The following GPR179 variants were observed in gnomAD, a reference collection of about 807,000 sequenced individuals.
GPR179 encodes probable G protein-coupled receptor 179.
A neutral mutation model predicts 70.8 loss-of-function variants in GPR179; 52 were observed. The ratio of observed to expected loss-of-function variants is 0.73; its 90% CI spans 0.59 to 0.93. The LOEUF is 0.93. GPR179 is among the 40% of genes least tolerant of loss of function. The pLI, the probability that GPR179 is intolerant of heterozygous loss-of-function variation, is 0.00. For missense variants in GPR179, 2,734 were observed against 2,966.8 expected, an observed-to-expected ratio of 0.92 and a Z score of 1.82; for synonymous variants, 1,123 against 1,169.0, an observed-to-expected ratio of 0.96 and a Z score of 0.80.
intron 2 of GPR179, among the ~76,000 whole-genome samples, chr17:38,338,490 C>T (rs1169966085): frequency 2.6e-5 from 4 of 152,216 alleles, no homozygotes; most frequent in Non-Finnish European, 4.4e-5. Context: ...GAAGCTGTGG[C>T]CCAACTTCCC....
Position 38,326,364 on chromosome 17 carries a change from G to T in GPR179, c.*101C>A. On this transcript the variant is annotated 3_prime_UTR_variant, in exon 11 of 11. Coordinates refer to ENST00000616987, the MANE Select transcript of GPR179 (RefSeq NM_001004334.4). ...CTGGTCTTCTCAAGGAGGGGAAGTG[G>T]CCAAGCTGTCTTTGATTCAGCTCTT... 2.3e-6 allele frequency: 2 copies of T among 869,488 alleles called. No homozygotes were observed. Among genetic ancestry groups the T allele is most frequent in the Non-Finnish European group, 3.6e-6 (2 of 560,392 alleles). The allele number at this position is 869,488 out of a possible 1,614,324, so 53.9% of individuals were successfully genotyped here.
In GPR179 at chr17:38,326,937, G is replaced by A; in HGVS notation, c.6632C>T (p.Ala2211Val). The change falls in exon 11 of 11, where the codon GCA becomes GTA. Residue 2211 changes from alanine (A) to valine (V), a missense_variant. Ala to Val is a moderately conservative substitution (Grantham distance 64). Coordinates refer to ENST00000616987, the MANE Select transcript of GPR179 (RefSeq NM_001004334.4). ...TGCCATCCTGCTTCCCATGCTGCCT[G>A]CTTCCTTGGGGCTGACTTTGAGTTC... ...DPELKVSPKE[A>V]GSMGSRMAEL... is the part of the protein sequence containing the mutation. 1 of 1,614,126 alleles carries A rather than the reference G, an allele frequency of 6.2e-7. No individual in the cohort carries two copies. Among genetic ancestry groups the A allele is most frequent in the Non-Finnish European group, 8.5e-7 (1 of 1,180,036 alleles).
At chr17:38,339,579 T>G in intron 1 of GPR179, 54 bp from the exon 2 acceptor site, 1 of 1,289,920 alleles carries the variant, frequency 7.8e-7, no homozygotes, top group Non-Finnish European at 1.1e-6. Flanking sequence ...AAAGTGGACG[T>G]GTGTCCCTGG....
chr17:38,337,197 G>A lies in GPR179; in HGVS notation c.1008C>T (p.Asp336=). The change falls in exon 4 of 11, where the codon GAC becomes GAT. Residue 336 remains aspartate (D), a synonymous_variant. Coordinates refer to ENST00000616987, the MANE Select transcript of GPR179 (RefSeq NM_001004334.4). ...ASPSGGLEES[D]FQTTGQFGFP... is the part of the protein sequence containing the mutation. ...ACCCGAATTGCCCGGTAGTCTGGAA[G>A]TCACTCTCCTCTAACCCTATAAAGA... The A allele has an allele frequency of 3.7e-6, 6 of 1,611,910 alleles. No individual in the cohort carries two copies. Among genetic ancestry groups the A allele is most frequent in the Non-Finnish European group, 5.1e-6 (6 of 1,179,366 alleles).
In GPR179 at chr17:38,330,947, C is replaced by G. The variant is rs759120043; in HGVS notation, c.2622G>C (p.Lys874Asn). The change falls in exon 11 of 11, where the codon AAG becomes AAC. Residue 874 changes from lysine (K) to asparagine (N), a missense_variant. Coordinates refer to ENST00000616987, the MANE Select transcript of GPR179 (RefSeq NM_001004334.4). ...CCAGGCTGGCCATGGCTGCCTTGGC[C>G]TTCTTCCGCTCCTCCCGCTCCTTTG... ...RQAKEREERK[K>N]AKAAMASLVR... 6.2e-7 allele frequency: 1 copy of G among 1,611,068 alleles called. No homozygotes were observed. Among genetic ancestry groups the G allele is most frequent in the African/African-American group, 1.3e-5 (1 of 75,054 alleles).
intron 10 of GPR179, 146 bp from the exon 11 acceptor site, chr17:38,331,677 G>A (rs1394267846): frequency 3.5e-6 from 5 of 1,410,610 alleles, no homozygotes; most frequent in Admixed American, 2.9e-5. Flanking sequence ...TAAAACTCTC[G>A]TAATTCACCT....
Position 38,331,232 on chromosome 17 carries a change from C to T in GPR179, c.2337G>A (p.Arg779=), listed in dbSNP as rs773509941. 3.0e-5 allele frequency: 47 copies of T among 1,589,098 alleles called. No homozygotes were observed. The highest frequency in any genetic ancestry group is 2.6e-6 in the Non-Finnish European group (3 of 1,168,870). ...HKSRSTYDQR[R]EQDPPLLDSL... is the part of the protein sequence containing the mutation. ...AGTCAAGAAGAGGCGGGTCCTGCTC[C>T]CTGCGCTGGTCATAGGTGCTGCGGG... is the stretch of plus-strand genomic sequence containing the variant. Residue 779 remains arginine, a synonymous_variant, in exon 11 of 11, where the codon AGG becomes AGA. Coordinates refer to ENST00000616987, the MANE Select transcript of GPR179 (RefSeq NM_001004334.4).
rs752583354 is a variant in GPR179, at chr17:38,328,406, A to C, written c.5163T>G (p.Ala1721=). The change falls in exon 11 of 11, where the codon GCT becomes GCG. Residue 1721 remains alanine, a synonymous_variant. Coordinates refer to ENST00000616987, the MANE Select transcript of GPR179 (RefSeq NM_001004334.4). ...AGAGEERALG[A]EAIRKSPNDT... Reference sequence around the variant, plus strand: ...CATTTGGAGATTTCCTAATGGCCTCAGCTCCCAAAGCCCTTTCCTCCCCTG... The same window carrying C: ...CATTTGGAGATTTCCTAATGGCCTCCGCTCCCAAAGCCCTTTCCTCCCCTG... 2 of 1,612,404 alleles carry C rather than the reference A, an allele frequency of 1.2e-6. No homozygotes were observed. Among genetic ancestry groups the C allele is most frequent in the East Asian group, 4.5e-5 (2 of 44,712 alleles).
Position 38,337,106 on chromosome 17 carries a change from T to C in GPR179, c.1099A>G (p.Met367Val). 6.2e-7 allele frequency: 1 copy of C among 1,611,616 alleles called. No homozygotes were observed. The highest frequency in any genetic ancestry group is 8.5e-7 in the Non-Finnish European group (1 of 1,179,166). ...LPCPEGCTSCMDATPCLVEEA... is the reference protein window; with the variant it reads ...LPCPEGCTSCVDATPCLVEEA... Reference sequence around the variant, plus strand: ...TCCACCAGGCACGGTGTGGCATCCATGCAGCTGGTGCAGCCCTCAGGACAT... The same window carrying C: ...TCCACCAGGCACGGTGTGGCATCCACGCAGCTGGTGCAGCCCTCAGGACAT... Residue 367 changes from methionine to valine, a missense_variant, in exon 4 of 11, where the codon ATG becomes GTG. Physicochemically the swap from Met to Val is conservative, Grantham distance 21. Transcript: ENST00000616987.
At position 38,335,667 on chromosome 17, in the gene GPR179, G is replaced by A. The variant is rs374552812; in HGVS notation, c.1330C>T (p.Arg444Cys). ...FILYFKPSVF[R>C]CIALRWVRLL... ...CGCACCCAGCGAAGAGCGATGCAGC[G>A]GAATACACTGGGCTTGAAGTATAGG... The change falls in exon 6 of 11, where the codon CGC (arginine) becomes TGC (cysteine). Residue 444 changes from arginine to cysteine, a missense_variant. By Grantham distance (180) the Arg-to-Cys change is radical. Transcript: ENST00000616987. The A allele has an allele frequency of 1.5e-5, 25 of 1,613,918 alleles. 1 individual carries two copies. The East Asian group carries it at 4.0e-4, about 26-fold the overall frequency.
rs201860062 is a variant in GPR179, at chr17:38,330,325, C to G, written c.3244G>C (p.Gly1082Arg). ...GCCAGCCCCAGGCTGCGCATGGAACCCTGCTGAACAGGGGCCTTGAGGCTG... is the reference window on the plus strand; with the variant it reads ...GCCAGCCCCAGGCTGCGCATGGAACGCTGCTGAACAGGGGCCTTGAGGCTG... ...SHSLKAPVQQ[G>R]SMRSLGLAIK... Residue 1082 changes from glycine (G) to arginine (R), a missense_variant, in exon 11 of 11, where the codon GGT (glycine) becomes CGT (arginine). Coordinates refer to ENST00000616987, the MANE Select transcript of GPR179 (RefSeq NM_001004334.4). The G allele has an allele frequency of 3.7e-6, 6 of 1,613,840 alleles. No homozygotes were observed. Among genetic ancestry groups the G allele is most frequent in the Non-Finnish European group, 4.2e-6 (5 of 1,179,826 alleles).
intron 2 of GPR179, 113 bp downstream of exon 2, chr17:38,339,304 T>G (rs2037430407): frequency 1.2e-4 from 81 of 673,186 alleles, no homozygotes; most frequent in Non-Finnish European, 1.6e-4. Flanking sequence ...CCTGAAGCCC[T>G]GAGATGCTGG....
Position 38,327,925 on chromosome 17 carries a change from T to G in GPR179, c.5644A>C (p.Arg1882=). 6.2e-7 allele frequency: 1 copy of G among 1,614,218 alleles called. No individual in the cohort carries two copies. Among genetic ancestry groups the G allele is most frequent in the Non-Finnish European group, 8.5e-7 (1 of 1,180,038 alleles). Residue 1882 remains arginine (R), a synonymous_variant, in exon 11 of 11, where the codon AGG becomes CGG. Transcript: ENST00000616987. ...TTGGGGGCCTGAGCAGGGGATTCCCTCAAGTCCTTGTTCTCCCAAATACAA... is the reference window on the plus strand; with the variant it reads ...TTGGGGGCCTGAGCAGGGGATTCCCGCAAGTCCTTGTTCTCCCAAATACAA... ...TICIWENKDL[R]ESPAQAPKIS... is the part of the protein sequence containing the mutation.
rs776996552 is a variant in GPR179 at position 38,343,441 on chromosome 17, C to T, written c.349G>A (p.Asp117Asn). ...NFLNMLLQAN[D>N]IRESSVEEDV... Reference sequence around the variant, plus strand: ...TCCTCCACACTGGACTCACGGATGTCGTTGGCTTGCAGCAGCATGTTGAGA... The same window carrying T: ...TCCTCCACACTGGACTCACGGATGTTGTTGGCTTGCAGCAGCATGTTGAGA... The change falls in exon 1 of 11, where the codon GAC (aspartate) becomes AAC (asparagine). Residue 117 changes from aspartate (D) to asparagine (N), a missense_variant. Transcript: ENST00000616987. This position sits in a 1 kb window ranked among gnomAD's most constrained non-coding sequence, Gnocchi z 4.2. 66 of 1,614,116 alleles carry T rather than the reference C, an allele frequency of 4.1e-5. No individual in the cohort carries two copies. The highest frequency in any genetic ancestry group is 3.3e-4 in the Middle Eastern group (2 of 6,062).
chr17:38,331,431 T>C lies in GPR179; in HGVS notation c.2138A>G (p.Gln713Arg), dbSNP rs756598066. 2.5e-6 allele frequency: 4 copies of C among 1,614,136 alleles called. No individual in the cohort carries two copies. The South Asian group carries it at 4.4e-5, about 18-fold the overall frequency. ...CCTCATGAAGGAGCGGCCCAGTCCC[T>C]GGCATGAGCTGCCTCGCTTCTTGGG... ...HLPKKRGSSC[Q>R]GLGRSFMRYL... Residue 713 changes from glutamine (Q) to arginine (R), a missense_variant, in exon 11 of 11, where the codon CAG becomes CGG. Physicochemically the swap from Gln to Arg is conservative, Grantham distance 43. Transcript: ENST00000616987.
rs778346759 is a variant in GPR179, at chr17:38,327,553, C to T, written c.6016G>A (p.Gly2006Ser). 6.2e-7 allele frequency: 1 copy of T among 1,614,162 alleles called. No individual in the cohort carries two copies. Among genetic ancestry groups the T allele is most frequent in the South Asian group, 1.1e-5 (1 of 91,066 alleles). The change falls in exon 11 of 11, where the codon GGT (glycine) becomes AGT (serine). Residue 2006 changes from glycine to serine, a missense_variant. By Grantham distance (56) the Gly-to-Ser change is moderately conservative (BLOSUM62 0). Coordinates refer to ENST00000616987, the MANE Select transcript of GPR179 (RefSeq NM_001004334.4). ...DVCPWDVPDA[G>S]VYKSDSSAKA... Reference sequence around the variant, plus strand: ...GCACTGCTGTCAGATTTATACACACCTGCATCAGGAACATCCCATGGGCAC... The same window carrying T: ...GCACTGCTGTCAGATTTATACACACTTGCATCAGGAACATCCCATGGGCAC...
chr17:38,330,364 A>G lies in GPR179; in HGVS notation c.3205T>C (p.Phe1069Leu), dbSNP rs2037342036. The G allele has an allele frequency of 1.9e-6, 3 of 1,613,766 alleles. No individual in the cohort carries two copies. Among genetic ancestry groups the G allele is most frequent in the Non-Finnish European group, 2.5e-6 (3 of 1,179,902 alleles). Residue 1069 changes from phenylalanine (F) to leucine (L), a missense_variant, in exon 11 of 11, where the codon TTC (phenylalanine) becomes CTC (leucine). Coordinates refer to ENST00000616987, the MANE Select transcript of GPR179 (RefSeq NM_001004334.4). ...NDVDEDRPKI[F>L]PKSHSLKAPV... ...GCCTTGAGGCTGTGGGATTTAGGGA[A>G]GATCTTGGGCCTGTCTTCGTCCACA... is the stretch of plus-strand genomic sequence containing the variant.
At chr17:38,338,746 A>G (rs1035236125) in intron 2 of GPR179, among the ~76,000 whole-genome samples, 2 of 152,252 alleles carry the variant, frequency 1.3e-5, no homozygotes, top group African/African-American at 4.8e-5. Flanking sequence ...AGGAACAAGC[A>G]TGCAGTGATT....
In GPR179 at chr17:38,327,426, GC is replaced by G. The variant is rs767073639; in HGVS notation, c.6142del (p.Ala2048ProfsTer64). The G allele has an allele frequency of 1.2e-6, 2 of 1,614,174 alleles. No individual in the cohort carries two copies. Among genetic ancestry groups the G allele is most frequent in the Non-Finnish European group, 1.7e-6 (2 of 1,180,036 alleles). ...ACCTTTTGGCTCTGATTTTTCTGGGGCTCTGCCTTTCTCTTCTTGAGAGTCC... is the reference window on the plus strand; with the variant it reads ...ACCTTTTGGCTCTGATTTTTCTGGGGTCTGCCTTTCTCTTCTTGAGAGTCC... ...KGDSQEEKGR[A>X]PEKSEPKGVP... On this transcript the variant is annotated frameshift_variant, in exon 11 of 11. Coordinates refer to ENST00000616987, the MANE Select transcript of GPR179 (RefSeq NM_001004334.4). LOFTEE classifies it low-confidence loss of function (END_TRUNC).
Sources: allele counts gnomAD v4.1 joint callset (sites outside exome capture counted in the v4.1 genomes callset), GRCh38; gene constraint gnomAD v4.1.1; non-coding constraint Gnocchi (gnomAD v3.1); transcripts MANE v1.5; gene names NCBI Gene and HGNC (gene_info 2026-07-23, HGNC 2026-07-21).